MEIS2: variants seen among roughly 807,000 people sequenced by gnomAD.
MEIS2 encodes the protein homeobox protein Meis2.
MEIS2 carries 9 observed loss-of-function variants against 58.6 expected under a neutral mutation model. The ratio of observed to expected loss-of-function variants is 0.15; its 90% CI spans 0.09 to 0.27. The LOEUF (loss-of-function observed/expected upper bound fraction) is 0.27. Ranked by LOEUF, MEIS2 falls within the 10% of genes least tolerant of loss-of-function variation. MEIS2 has a pLI of 1.00. For missense variants in MEIS2, 427 were observed against 635.0 expected (o/e 0.67, Z 3.52); for synonymous variants, 221 against 228.4 (o/e 0.97, Z 0.29).
Position 37,032,955 on chromosome 15 carries a change from CA to C in MEIS2, c.900+3858del, listed in dbSNP as rs2061988191. On this transcript the variant is annotated intron_variant, in intron 8 of 11. Transcript: ENST00000561208. ...GTTTAAATATTTTCCTCAGCGTAAT[CA>C]ATTAGTGCAAGTTTGTTACCTTTCC... Among the ~76,000 whole-genome samples, 3 of 152,204 alleles carry C rather than the reference CA, an allele frequency of 2.0e-5. No homozygotes were observed. The East Asian group carries it at 5.8e-4, about 29-fold the overall frequency.
intron 8 of MEIS2, among the ~76,000 whole-genome samples, chr15:37,002,536 GC>G (rs1408564307): frequency 1.3e-5 from 2 of 152,186 alleles, no homozygotes; most frequent in Non-Finnish European, 2.9e-5. Flanking sequence ...TGAAGTACTT[GC>G]CCGCAGAAGG....
At chr15:37,065,483 C>A (rs1889808674) in intron 7 of MEIS2, among the ~76,000 whole-genome samples, 1 of 152,172 alleles carries the variant, frequency 6.6e-6, no homozygotes, top group Non-Finnish European at 1.5e-5. Flanking sequence ...AGAATTTGAA[C>A]AACACGTGTG....
intron 8 of MEIS2, chr15:36,972,883 TCTGTTGAAA>T (rs1438516907): frequency 6.6e-6 from 1 of 152,166 alleles, no homozygotes; most frequent in Non-Finnish European, 1.5e-5. Context: ...AGTCTACACA[TCTGTTGAAA>T]CTGCCTCTAT....
chr15:36,938,153 C>G (rs2058243348), intron 9 of MEIS2, among the ~76,000 whole-genome samples: 1 of 152,132 alleles, frequency 6.6e-6, no homozygotes, highest in Non-Finnish European at 1.5e-5. Flanking sequence ...GGCTTTGCCC[C>G]TGCGACCCAA....
intron 9 of MEIS2, among the ~76,000 whole-genome samples, chr15:36,904,618 T>TAAAAAAAAAA (rs1440704270): frequency 7.1e-6 from 1 of 140,050 alleles, no homozygotes; most frequent in Admixed American, 7.6e-5. Flanking sequence ...ATCAAAGAGA[T>TAAAAAAAAAA]AAAAGGATTA....
intron 8 of MEIS2, among the ~76,000 whole-genome samples, chr15:36,973,511 A>C (rs2059638264): frequency 6.6e-6 from 1 of 152,228 alleles, no homozygotes; most frequent in Admixed American, 6.5e-5. Flanking sequence ...CTATAGAATA[A>C]AGAGCCTGGA....
intron 8 of MEIS2, among the ~76,000 whole-genome samples, chr15:36,953,247 C>T (rs2058827449): frequency 6.6e-6 from 1 of 152,136 alleles, no homozygotes; most frequent in Non-Finnish European, 1.5e-5. Flanking sequence ...AGTATTTCTA[C>T]TACATGATCT....
At chr15:36,950,497 T>C in intron 8 of MEIS2, 97 bp from the exon 9 acceptor site, 3 of 1,165,276 alleles carry the variant, frequency 2.6e-6, no homozygotes, top group Non-Finnish European at 3.8e-6. Flanking sequence ...TTCTTTAGTC[T>C]ATGGCTTGAT....
intron 9 of MEIS2, among the ~76,000 whole-genome samples, chr15:36,906,512 G>T (rs965319864): frequency 1.3e-5 from 2 of 151,972 alleles, no homozygotes; most frequent in Admixed American, 1.3e-4. Flanking sequence ...AGTATGTTAC[G>T]GTGTATAGTT....
intron 8 of MEIS2, among the ~76,000 whole-genome samples, chr15:37,030,580 A>AC (rs892376667): frequency 2.0e-5 from 3 of 148,578 alleles, no homozygotes; most frequent in South Asian, 2.2e-4. Flanking sequence ...CAAGCAATCC[A>AC]CCCCCCTTGG....
chr15:37,099,228 G>A (rs1894792737), intron 1 of MEIS2: 1 of 1,432,546 alleles, frequency 7.0e-7, no homozygotes, highest in African/African-American at 1.4e-5. Flanking sequence ...CACAGCGCTG[G>A]AACACGCGCG....
chr15:37,052,994 G>C (rs1230541130), intron 7 of MEIS2, among the ~76,000 whole-genome samples: 1 of 152,118 alleles, frequency 6.6e-6, no homozygotes, highest in African/African-American at 2.4e-5. Context: ...AAGACAACTC[G>C]AAGGGCACCA....
At chr15:36,894,732 C>T (rs369556038) in intron 11 of MEIS2, 13 of 1,612,494 alleles carry the variant, frequency 8.1e-6, no homozygotes, top group African/African-American at 4.0e-5. Flanking sequence ...CCTTGCTTTG[C>T]GATTGCTTTA....
rs1894884599 is a variant in MEIS2 at position 37,099,800 on chromosome 15, G to C, written c.-334C>G. 1.3e-5 allele frequency: 3 copies of C among 239,458 alleles called. No homozygotes were observed. Among genetic ancestry groups the C allele is most frequent in the African/African-American group, 2.9e-5 (1 of 34,830 alleles). 14.8% of individuals were successfully genotyped at this position (239,458 alleles called of 1,614,324 possible). ...CCCTCTTTCTCTTCTCTTCCCCTCAGTTGGAAAAAAAAAGAAAGAAAAGAA... is the reference window on the plus strand; with the variant it reads ...CCCTCTTTCTCTTCTCTTCCCCTCACTTGGAAAAAAAAAGAAAGAAAAGAA... On this transcript the variant is annotated 5_prime_UTR_variant, in exon 1 of 12. Coordinates refer to ENST00000561208, the MANE Select transcript of MEIS2 (RefSeq NM_170675.5).
intron 9 of MEIS2, among the ~76,000 whole-genome samples, chr15:36,943,745 T>C (rs542920814): frequency 2.6e-5 from 4 of 152,208 alleles, no homozygotes; most frequent in East Asian, 1.9e-4. Flanking sequence ...GAAAACCATA[T>C]TTCATTCTTT....
intron 8 of MEIS2, among the ~76,000 whole-genome samples, chr15:37,006,048 A>G (rs1276347343): frequency 1.3e-5 from 2 of 152,230 alleles, no homozygotes; most frequent in African/African-American, 4.8e-5. Context: ...TTATTGTTAT[A>G]CAATTACTTA....
At chr15:36,989,604 G>A (rs35356758) in intron 8 of MEIS2, among the ~76,000 whole-genome samples, 54,052 of 151,988 alleles carry the variant, frequency 0.36, 10,568 homozygotes, top group Middle Eastern at 0.55. Context: ...ACTCTTCCCT[G>A]AGATCTTCTC....
chr15:37,035,838 T>C (rs2062128181), intron 8 of MEIS2, among the ~76,000 whole-genome samples: 1 of 152,246 alleles, frequency 6.6e-6, no homozygotes, highest in East Asian at 1.9e-4. Context: ...CCTGGACCCA[T>C]GACACTGTAA....
intron 1 of MEIS2, 181 bp from the exon 2 acceptor site, chr15:37,098,380 GA>G (rs758696005): frequency 0.013 from 4,518 of 335,486 alleles, 133 homozygotes; most frequent in Admixed American, 0.052. Flanking sequence ...AGGAGAGGGG[GA>G]GAGAGAGAGA....
Sources: allele counts gnomAD v4.1 joint callset (sites outside exome capture counted in the v4.1 genomes callset), GRCh38; gene constraint gnomAD v4.1.1; transcripts MANE v1.5; gene names NCBI Gene and HGNC (gene_info 2026-07-23, HGNC 2026-07-21).